Variants in CALCR observed in about 807,000 individuals in gnomAD.
CALCR encodes the protein calcitonin receptor.
CALCR carries 47 observed loss-of-function variants against 59.5 expected under a neutral mutation model. The observed-to-expected ratio is 0.79, with a 90% CI of 0.63 to 1.01. The LOEUF is 1.01. Ranked by LOEUF, CALCR falls within the 50% of genes least tolerant of loss-of-function variation. CALCR has a pLI of 0.00. For missense variants in CALCR, 566 were observed against 597.1 expected (o/e 0.95, Z 0.54); for synonymous variants, 213 against 211.3 (o/e 1.01, Z -0.07).
chr7:93,510,585 G>T (rs374228872), intron 2 of CALCR, among the ~76,000 whole-genome samples: 2 of 152,166 alleles, frequency 1.3e-5, no homozygotes, highest in Non-Finnish European at 2.9e-5. Flanking sequence ...TCTCTAAAGA[G>T]GGTGGGGTAA....
chr7:93,512,627 C>T (rs998180109), intron 2 of CALCR, among the ~76,000 whole-genome samples: 5 of 152,046 alleles, frequency 3.3e-5, no homozygotes, highest in Admixed American at 6.6e-5. Flanking sequence ...GCTGAGTATC[C>T]TAAAATATTT....
At chr7:93,544,683 C>A (rs1418173109) in intron 2 of CALCR, among the ~76,000 whole-genome samples, 1 of 151,994 alleles carries the variant, frequency 6.6e-6, no homozygotes, top group African/African-American at 2.4e-5. Flanking sequence ...TTTTCTAATT[C>A]TCCGTAGGTC....
Position 93,438,193 on chromosome 7 carries a change from A to G in CALCR, c.863+17T>C. The G allele has an allele frequency of 6.2e-7, 1 of 1,612,164 alleles. No individual in the cohort carries two copies. The highest frequency in any genetic ancestry group is 8.5e-7 in the Non-Finnish European group (1 of 1,178,226). On this transcript the variant is annotated intron_variant, in intron 10 of 13. Coordinates refer to ENST00000426151, the MANE Select transcript of CALCR (RefSeq NM_001742.4). ...TGTTTATGAATATGTTAACTTAAAC[A>G]TCACCATAATACTTACTTGTCATTG...
chr7:93,563,357 G>A (rs1489326311), intron 2 of CALCR, among the ~76,000 whole-genome samples: 1 of 152,076 alleles, frequency 6.6e-6, no homozygotes, highest in South Asian at 2.1e-4. Context: ...ATGGGTTTCT[G>A]ACTAATTTTC....
At chr7:93,527,855 T>A (rs1298643665) in intron 2 of CALCR, among the ~76,000 whole-genome samples, 3 of 152,150 alleles carry the variant, frequency 2.0e-5, no homozygotes, top group African/African-American at 7.2e-5. Context: ...ATCTTCAGAG[T>A]TAAAATGATT....
intron 2 of CALCR, among the ~76,000 whole-genome samples, chr7:93,491,214 C>T (rs988659725): frequency 2.0e-5 from 3 of 151,926 alleles, no homozygotes; most frequent in African/African-American, 7.2e-5. Flanking sequence ...ATGCAGAAAA[C>T]TAAAAATGGA....
intron 9 of CALCR, among the ~76,000 whole-genome samples, chr7:93,442,255 T>C (rs1799922631): frequency 1.3e-5 from 2 of 152,176 alleles, no homozygotes; most frequent in Admixed American, 1.3e-4. Flanking sequence ...TTCTCTGTAT[T>C]TGCTTAAGTT....
At chr7:93,460,593 G>GTATATATATATATATATGTATATATA in intron 8 of CALCR, among the ~76,000 whole-genome samples, 1 of 89,360 alleles carries the variant, frequency 1.1e-5, no homozygotes, top group South Asian at 3.9e-4. Flanking sequence ...ATATATATAT[G>GTATATATATATATATATGTATATATA]TATATATATA....
chr7:93,448,659 C>T (rs1800050978), intron 8 of CALCR, among the ~76,000 whole-genome samples: 1 of 151,962 alleles, frequency 6.6e-6, no homozygotes, highest in Non-Finnish European at 1.5e-5. Context: ...ATTCTCTTCT[C>T]AGTTAAGTCA....
intron 7 of CALCR, among the ~76,000 whole-genome samples, chr7:93,464,211 C>G (rs1584556361): frequency 6.6e-6 from 1 of 151,900 alleles, no homozygotes; most frequent in Non-Finnish European, 1.5e-5. Context: ...TGATATTGGT[C>G]TTGAGTTTTG....
chr7:93,538,141 A>C (rs1789041085), intron 2 of CALCR, among the ~76,000 whole-genome samples: 1 of 151,966 alleles, frequency 6.6e-6, no homozygotes, highest in South Asian at 2.1e-4. Context: ...ACACACTCAA[A>C]ATACCTTAAA....
rs1799490582 is a variant in CALCR at position 93,424,865 on chromosome 7, T to C, written c.*1491A>G. ...AAACTACTTTAGTATCCCAAATTCA[T>C]TTTCTCTGTAGAAATATAATTAATT... On this transcript the variant is annotated 3_prime_UTR_variant, in exon 14 of 14. Coordinates refer to ENST00000426151, the MANE Select transcript of CALCR (RefSeq NM_001742.4). 6.6e-6 allele frequency: 1 copy of C among 152,580 alleles called. No homozygotes were observed. Among genetic ancestry groups the C allele is most frequent in the African/African-American group, 2.4e-5 (1 of 41,442 alleles). The allele number at this position is 152,580 out of a possible 1,614,324, so 9.5% of individuals were successfully genotyped here. A position where few individuals can be genotyped will look rare whatever the true frequency, so the allele number is the denominator to read the frequency against.
intron 8 of CALCR, among the ~76,000 whole-genome samples, chr7:93,448,147 A>ATT (rs1800039883): frequency 6.6e-6 from 1 of 151,998 alleles, no homozygotes; most frequent in African/African-American, 2.4e-5. Flanking sequence ...GGTATACTTA[A>ATT]TTCTCATGAT....
At chr7:93,497,062 G>A (rs1488670514) in intron 2 of CALCR, among the ~76,000 whole-genome samples, 1 of 151,540 alleles carries the variant, frequency 6.6e-6, no homozygotes, top group Non-Finnish European at 1.5e-5. Context: ...AGTTTAAAAT[G>A]TCTATCTAAA....
intron 9 of CALCR, chr7:93,441,642 T>C (rs1040720846): frequency 4.7e-5 from 20 of 422,356 alleles, no homozygotes; most frequent in Non-Finnish European, 9.3e-5. Context: ...TGTTACCTGA[T>C]GTGGAACCAG....
At chr7:93,542,934 T>C (rs1789182503) in intron 2 of CALCR, among the ~76,000 whole-genome samples, 1 of 150,716 alleles carries the variant, frequency 6.6e-6, no homozygotes, top group African/African-American at 2.4e-5. Flanking sequence ...CTGAAGGACC[T>C]GCCTGAGATG....
At chr7:93,458,534 G>A (rs77153029) in intron 8 of CALCR, among the ~76,000 whole-genome samples, 1,801 of 152,246 alleles carry the variant, frequency 0.012, 47 homozygotes, top group South Asian at 0.068. Context: ...CTCCAGCAGG[G>A]CTGCCTTGCC....
At chr7:93,555,067 G>A (rs1004343080) in intron 2 of CALCR, among the ~76,000 whole-genome samples, 2 of 152,000 alleles carry the variant, frequency 1.3e-5, no homozygotes, top group African/African-American at 2.4e-5. Context: ...GGGGACAGGC[G>A]ATGCTGGTTA....
At chr7:93,555,490 G>T (rs1789575878) in intron 2 of CALCR, among the ~76,000 whole-genome samples, 1 of 152,080 alleles carries the variant, frequency 6.6e-6, no homozygotes, top group Non-Finnish European at 1.5e-5. Flanking sequence ...TTTGATAGTG[G>T]TTTAAACTGC....
Sources: allele counts gnomAD v4.1 joint callset (sites outside exome capture counted in the v4.1 genomes callset), GRCh38; gene constraint gnomAD v4.1.1; transcripts MANE v1.5; gene names NCBI Gene and HGNC (gene_info 2026-07-23, HGNC 2026-07-21).